Variants in MANEA observed in about 807,000 individuals in gnomAD.
The protein encoded by MANEA is glycoprotein endo-alpha-1,2-mannosidase.
A neutral mutation model predicts 36.8 loss-of-function variants in MANEA; 25 were observed. That is an observed-to-expected ratio of 0.68 (90% CI 0.50 to 0.95). The LOEUF (loss-of-function observed/expected upper bound fraction) is 0.95, where lower values mean the gene tolerates loss of function less well. Among genes scored for constraint, MANEA ranks in the 40% least tolerant of loss-of-function variants. The pLI is 0.00. For missense variants in MANEA, 565 were observed against 558.8 expected (o/e 1.01, Z -0.11); for synonymous variants, 198 against 188.5 (o/e 1.05, Z -0.41).
At chr6:95,582,441 C>T (rs1769200958) in intron 1 of MANEA, among the ~76,000 whole-genome samples, 1 of 152,076 alleles carries the variant, frequency 6.6e-6, no homozygotes, top group Admixed American at 6.6e-5. Flanking sequence ...CCTCAGCCTC[C>T]CAAAGTGCTG....
In MANEA at chr6:95,586,850, G is replaced by A; in HGVS notation, c.411G>A (p.Lys137=). ...AGCATTGGGACCCTAGAATAGCCAA[G>A]AATTATCCACAAGGGAGACACAACC... ...VLEHWDPRIA[K]NYPQGRHNPP... is the part of the protein sequence containing the mutation. The change falls in exon 2 of 5, where the codon AAG becomes AAA. Residue 137 remains lysine (K), a synonymous_variant. Coordinates refer to ENST00000358812, the MANE Select transcript of MANEA (RefSeq NM_024641.4). 1.2e-6 allele frequency: 2 copies of A among 1,613,880 alleles called. No individual in the cohort carries two copies. The highest frequency in any genetic ancestry group is 2.7e-5 in the African/African-American group (2 of 75,026).
At chr6:95,597,910 A>G (rs1769509965) in intron 3 of MANEA, among the ~76,000 whole-genome samples, 1 of 152,150 alleles carries the variant, frequency 6.6e-6, no homozygotes, top group Admixed American at 6.5e-5. Flanking sequence ...GTGAGATTAA[A>G]AAAGAAAAGA....
chr6:95,582,662 A>G (rs1350113698), intron 1 of MANEA, among the ~76,000 whole-genome samples: 1 of 152,116 alleles, frequency 6.6e-6, no homozygotes, highest in Non-Finnish European at 1.5e-5. Context: ...AGCACAAACA[A>G]TTTCTGTTTA....
Position 95,606,473 on chromosome 6 carries a change from C to A in MANEA, c.*68C>A. ...TTAAAAATAGCTTTCGTTTTGAGTT[C>A]TGGAAAGAAAACTGTCAAAATCAGT... On this transcript the variant is annotated 3_prime_UTR_variant, in exon 5 of 5. Coordinates refer to ENST00000358812, the MANE Select transcript of MANEA (RefSeq NM_024641.4). The A allele has an allele frequency of 8.3e-7, 1 of 1,200,426 alleles. No individual in the cohort carries two copies. Among genetic ancestry groups the A allele is most frequent in the Non-Finnish European group, 1.1e-6 (1 of 874,052 alleles). 74.4% of individuals were successfully genotyped at this position (1,200,426 alleles called of 1,614,324 possible).
intron 1 of MANEA, among the ~76,000 whole-genome samples, chr6:95,585,219 A>T (rs552183001): frequency 6.6e-6 from 1 of 152,346 alleles, no homozygotes; most frequent in East Asian, 1.9e-4. Flanking sequence ...GTCCATAAAC[A>T]TACTTACTAA....
intron 3 of MANEA, among the ~76,000 whole-genome samples, chr6:95,598,257 G>C (rs1282160073): frequency 6.6e-6 from 1 of 152,122 alleles, no homozygotes; most frequent in Non-Finnish European, 1.5e-5. Flanking sequence ...AAACTTGGTA[G>C]CTTAAAACAA....
In MANEA at chr6:95,606,090, A is replaced by G. The variant is rs1474842068; in HGVS notation, c.1074A>G (p.Pro358=). The G allele has an allele frequency of 1.2e-6, 2 of 1,614,034 alleles. No homozygotes were observed. Among genetic ancestry groups the G allele is most frequent in the Middle Eastern group, 1.6e-4 (1 of 6,062 alleles). The change falls in exon 5 of 5, where the codon CCA becomes CCG. Residue 358 remains proline, a synonymous_variant. Coordinates refer to ENST00000358812, the MANE Select transcript of MANEA (RefSeq NM_024641.4). ...TAATATTTATCCCAAGTGTGGGCCC[A>G]GGATACATAGATACCAGCATCCGTC... ...YNLIFIPSVG[P]GYIDTSIRPW...
At chr6:95,604,553 C>G (rs2127945768) in intron 3 of MANEA, among the ~76,000 whole-genome samples, 1 of 152,132 alleles carries the variant, frequency 6.6e-6, no homozygotes, top group East Asian at 1.9e-4. Context: ...CTGAACCTTT[C>G]TTAAGGTTCT....
At chr6:95,582,810 T>TAC (rs1475217707) in intron 1 of MANEA, among the ~76,000 whole-genome samples, 1 of 152,228 alleles carries the variant, frequency 6.6e-6, no homozygotes, top group Non-Finnish European at 1.5e-5. Context: ...GTATGTGGTG[T>TAC]ACATATATGT....
intron 4 of MANEA, among the ~76,000 whole-genome samples, chr6:95,605,162 T>C (rs1243808309): frequency 1.3e-5 from 2 of 152,116 alleles, no homozygotes; most frequent in Admixed American, 1.3e-4. Context: ...TTTCTGTAGT[T>C]TTGATATTTT....
intron 1 of MANEA, among the ~76,000 whole-genome samples, chr6:95,581,456 G>C (rs1187953433): frequency 6.6e-6 from 1 of 152,108 alleles, no homozygotes; most frequent in Non-Finnish European, 1.5e-5. Flanking sequence ...GTATTCATGA[G>C]TGTATCCAGA....
rs751851253 is a variant in MANEA, at chr6:95,605,903, A to G, written c.887A>G (p.Asp296Gly). 1.2e-6 allele frequency: 2 copies of G among 1,613,888 alleles called. No individual in the cohort carries two copies. Among genetic ancestry groups the G allele is most frequent in the Non-Finnish European group, 1.7e-6 (2 of 1,179,970 alleles). The change falls in exon 5 of 5, where the codon GAT (aspartate) becomes GGT (glycine). Residue 296 changes from aspartate (D) to glycine (G), a missense_variant. Physicochemically the swap from Asp to Gly is moderately conservative, Grantham distance 94 (BLOSUM62 -1). Coordinates refer to ENST00000358812, the MANE Select transcript of MANEA (RefSeq NM_024641.4). ...CGGAGTATTCGCAATTCTCCTTATG[A>G]TGGACTGTTTATTGCCCTTCTGGTA... is the stretch of plus-strand genomic sequence containing the variant. ...GSRSIRNSPY[D>G]GLFIALLVEE... is the part of the protein sequence containing the mutation.
At chr6:95,585,151 T>TACAC (rs764180522) in intron 1 of MANEA, among the ~76,000 whole-genome samples, 1 of 130,432 alleles carries the variant, frequency 7.7e-6, no homozygotes, top group African/African-American at 2.8e-5. Flanking sequence ...TATATATATA[T>TACAC]ACACACACAA....
In MANEA at chr6:95,587,048, T is replaced by C. The variant is rs766439705; in HGVS notation, c.544+65T>C. The C allele has an allele frequency of 2.1e-5, 20 of 966,518 alleles. No individual in the cohort carries two copies. In the African/African-American group the frequency reaches 3.0e-4, roughly 15 times the overall value. 59.9% of individuals were successfully genotyped at this position (966,518 alleles called of 1,614,324 possible). ...ATATATGCATATAAATGATTTTTTGTGTAACTTTACTAGTTAATTTTCTCA... is the reference window on the plus strand; with the variant it reads ...ATATATGCATATAAATGATTTTTTGCGTAACTTTACTAGTTAATTTTCTCA... On this transcript the variant is annotated intron_variant, in intron 2 of 4. Coordinates refer to ENST00000358812, the MANE Select transcript of MANEA (RefSeq NM_024641.4).
At chr6:95,594,700 A>G (rs1769453729) in intron 2 of MANEA, among the ~76,000 whole-genome samples, 1 of 152,130 alleles carries the variant, frequency 6.6e-6, no homozygotes, top group Non-Finnish European at 1.5e-5. Flanking sequence ...TCCAGAAAGG[A>G]TTTTCTTTTG....
At chr6:95,582,914 A>C (rs1212883000) in intron 1 of MANEA, among the ~76,000 whole-genome samples, 1 of 152,178 alleles carries the variant, frequency 6.6e-6, no homozygotes, top group Non-Finnish European at 1.5e-5. Context: ...AATTTTTAAC[A>C]AGAGTACCAC....
At chr6:95,603,769 G>A (rs1275615437) in intron 3 of MANEA, among the ~76,000 whole-genome samples, 1 of 152,064 alleles carries the variant, frequency 6.6e-6, no homozygotes, top group African/African-American at 2.4e-5. Context: ...GTTGATGTTG[G>A]TAAGTCAGTA....
chr6:95,597,658 T>A (rs562838337), intron 3 of MANEA, among the ~76,000 whole-genome samples: 1 of 152,040 alleles, frequency 6.6e-6, no homozygotes, highest in Non-Finnish European at 1.5e-5. Context: ...TATAAAATTA[T>A]TAAAATTTTA....
intron 3 of MANEA, among the ~76,000 whole-genome samples, chr6:95,599,747 A>C (rs1004409143): frequency 2.0e-5 from 3 of 152,154 alleles, no homozygotes; most frequent in Non-Finnish European, 4.4e-5. Flanking sequence ...GCATTTTTTT[A>C]TTTCTGTCCA....
Sources: allele counts gnomAD v4.1 joint callset (sites outside exome capture counted in the v4.1 genomes callset), GRCh38; gene constraint gnomAD v4.1.1; transcripts MANE v1.5; gene names NCBI Gene and HGNC (gene_info 2026-07-23, HGNC 2026-07-21).